The following SRCIN1 variants were observed in gnomAD, a reference collection of about 807,000 sequenced individuals.
SRCIN1 encodes SRC kinase signaling inhibitor 1, also known as P130Cas-associated protein.
Under a neutral mutation model 116.2 loss-of-function variants are expected in SRCIN1, and 50 were observed. The observed-to-expected ratio is 0.43, with a 90% CI of 0.34 to 0.54. The LOEUF (loss-of-function observed/expected upper bound fraction) is 0.54. Ranked by LOEUF, SRCIN1 falls within the 20% of genes least tolerant of loss-of-function variation. The pLI, the probability that SRCIN1 is intolerant of heterozygous loss-of-function variation, is 0.02. For synonymous variants in SRCIN1, 736 were observed against 750.0 expected, an observed-to-expected ratio of 0.98 and a Z score of 0.30; for missense variants, 1,446 against 1,672.0, an observed-to-expected ratio of 0.86 and a Z score of 2.36.
chr17:38,581,891 C>T (rs975694071), intron 1 of SRCIN1, among the ~76,000 whole-genome samples: 1 of 152,232 alleles, frequency 6.6e-6, no homozygotes, highest in Non-Finnish European at 1.5e-5. Flanking sequence ...CCCATAACCC[C>T]TGACCTTCCT....
At chr17:38,546,185 G>C (rs1905061643) in intron 17 of SRCIN1, among the ~76,000 whole-genome samples, 1 of 152,270 alleles carries the variant, frequency 6.6e-6, no homozygotes, top group Admixed American at 6.5e-5. Flanking sequence ...CACCAGGCTT[G>C]TGCCAGGTGC....
chr17:38,582,465 T>C (rs903187051), intron 1 of SRCIN1, among the ~76,000 whole-genome samples: 1 of 152,206 alleles, frequency 6.6e-6, no homozygotes, highest in Non-Finnish European at 1.5e-5. Flanking sequence ...AATCTCACAG[T>C]TGGCAGTGGG....
chr17:38,535,209 C>CTT (rs71138630), intron 18 of SRCIN1, among the ~76,000 whole-genome samples: 15,350 of 128,758 alleles, frequency 0.12, 3,379 homozygotes, highest in African/African-American at 0.44. Context: ...CTTTTTCTTT[C>CTT]TTTTTTTTTT....
chr17:38,605,583 C>T (rs1290969720), intron 1 of SRCIN1, 101 bp downstream of exon 1: 1 of 978,910 alleles, frequency 1.0e-6, no homozygotes, highest in South Asian at 1.9e-5. Flanking sequence ...GCCCGGCCGC[C>T]GCCCCCGCCC....
At chr17:38,574,332 A>AGCCT (rs1907269300) in intron 2 of SRCIN1, among the ~76,000 whole-genome samples, 1 of 152,222 alleles carries the variant, frequency 6.6e-6, no homozygotes, top group Non-Finnish European at 1.5e-5. Flanking sequence ...CGGACACTGA[A>AGCCT]GCCTGATGAG....
rs192726387 is a variant in SRCIN1, at chr17:38,558,087, G to A, written c.2201+140C>T. On this transcript the variant is annotated intron_variant, in intron 11 of 18. Transcript: ENST00000617146. This position sits in a 1 kb window ranked among gnomAD's most constrained non-coding sequence, Gnocchi z 4.6. ...TGGGTCACAGTGAAATCAGGCCAGA[G>A]GAGAATGAAATCAGGCTTCAGAACA... 4.3e-4 allele frequency: 402 copies of A among 924,926 alleles called. 2 individuals are homozygous for A. The African/African-American group carries it at 6.1e-3, about 14-fold the overall frequency. The allele number at this position is 924,926 out of a possible 1,614,324, so 57.3% of individuals were successfully genotyped here.
intron 17 of SRCIN1, among the ~76,000 whole-genome samples, chr17:38,546,283 C>A (rs1253039920): frequency 6.6e-6 from 1 of 152,230 alleles, no homozygotes; most frequent in Non-Finnish European, 1.5e-5. Flanking sequence ...ACACACTTCA[C>A]CCAAGGCCAC....
intron 1 of SRCIN1, among the ~76,000 whole-genome samples, chr17:38,605,366 C>A (rs981933117): frequency 6.7e-6 from 1 of 148,294 alleles, no homozygotes; most frequent in Non-Finnish European, 1.5e-5. Flanking sequence ...CCACACAAGC[C>A]CCTTTACAGT....
At position 38,552,307 on chromosome 17, in the gene SRCIN1, T is replaced by C; in HGVS notation, c.2480+140A>G. 7.1e-7 allele frequency: 1 copy of C among 1,413,334 alleles called. No individual in the cohort carries two copies. Among genetic ancestry groups the C allele is most frequent in the Non-Finnish European group, 9.4e-7 (1 of 1,060,704 alleles). 87.5% of individuals were successfully genotyped at this position (1,413,334 alleles called of 1,614,324 possible). A position where few individuals can be genotyped will look rare whatever the true frequency, so the allele number is the denominator to read the frequency against. On this transcript the variant is annotated intron_variant, in intron 13 of 18. Transcript: ENST00000617146. This position sits in a 1 kb window ranked among gnomAD's most constrained non-coding sequence, Gnocchi z 5.3. ...AAGCCAGGTCTACAGCATGCAGGGGTCACAGGGCAGAGCTGAGGTGCCAGT... is the reference window on the plus strand; with the variant it reads ...AAGCCAGGTCTACAGCATGCAGGGGCCACAGGGCAGAGCTGAGGTGCCAGT...
At chr17:38,591,648 T>A (rs1313465170) in intron 1 of SRCIN1, among the ~76,000 whole-genome samples, 1 of 152,196 alleles carries the variant, frequency 6.6e-6, no homozygotes, top group Non-Finnish European at 1.5e-5. Context: ...CTTCCTTGCC[T>A]CCTGCTCCTA....
intron 1 of SRCIN1, among the ~76,000 whole-genome samples, chr17:38,593,504 G>A (rs1448742659): frequency 6.6e-6 from 1 of 152,024 alleles, no homozygotes; most frequent in African/African-American, 2.4e-5. Flanking sequence ...CTAGAGACTG[G>A]GACTCTCTCT....
At chr17:38,594,773 C>G (rs1179223949) in intron 1 of SRCIN1, among the ~76,000 whole-genome samples, 1 of 152,102 alleles carries the variant, frequency 6.6e-6, no homozygotes, top group Non-Finnish European at 1.5e-5. Context: ...GGGGTTTGAA[C>G]CCAGGGCAGG....
chr17:38,556,181 A>G (rs924677791), intron 11 of SRCIN1, among the ~76,000 whole-genome samples: 1 of 152,242 alleles, frequency 6.6e-6, no homozygotes, highest in Non-Finnish European at 1.5e-5. Context: ...ATGGGGCCCA[A>G]TGCAAAATGA....
intron 18 of SRCIN1, among the ~76,000 whole-genome samples, chr17:38,538,699 C>T (rs975626255): frequency 2.0e-5 from 3 of 152,230 alleles, no homozygotes; most frequent in Non-Finnish European, 4.4e-5. Context: ...GTTAACGTAT[C>T]ACCTTCTAGA....
intron 18 of SRCIN1, among the ~76,000 whole-genome samples, chr17:38,538,356 G>A (rs1354999183): frequency 2.7e-5 from 4 of 147,986 alleles, no homozygotes; most frequent in Admixed American, 2.7e-4. Flanking sequence ...GGCGGAGGTT[G>A]CAGTGAGCCA....
Position 38,563,817 on chromosome 17 carries a change from G to A in SRCIN1, c.542-296C>T, listed in dbSNP as rs998240337. The A allele has an allele frequency of 6.3e-6, 4 of 634,034 alleles. No homozygotes were observed. Among genetic ancestry groups the A allele is most frequent in the Non-Finnish European group, 8.4e-6 (3 of 357,432 alleles). 39.3% of individuals were successfully genotyped at this position (634,034 alleles called of 1,614,324 possible). A position where few individuals can be genotyped will look rare whatever the true frequency, so the allele number is the denominator to read the frequency against. On this transcript the variant is annotated intron_variant, in intron 4 of 18. Coordinates refer to ENST00000617146, the MANE Select transcript of SRCIN1 (RefSeq NM_025248.3). The surrounding 1 kb of genome is among the most constrained non-coding windows in gnomAD (Gnocchi z 5.8). ...CGGAAACTGAGGGGAAGTGAGCTGA[G>A]GGAGAGAGAGGTTGGAGAGAGTTAG... is the stretch of plus-strand genomic sequence containing the variant.
At chr17:38,560,225 G>A (rs1906142525) in intron 8 of SRCIN1, 108 bp downstream of exon 8, 1 of 1,404,316 alleles carries the variant, frequency 7.1e-7, no homozygotes, top group East Asian at 2.5e-5. Context: ...GAAGGGAAGG[G>A]ATTCACCCAG....
Position 38,562,047 on chromosome 17 carries a change from G to C in SRCIN1, c.1116C>G (p.Arg372=). 1.3e-6 allele frequency: 2 copies of C among 1,490,054 alleles called. No individual in the cohort carries two copies. The highest frequency in any genetic ancestry group is 1.8e-6 in the Non-Finnish European group (2 of 1,128,106). The allele number at this position is 1,490,054 out of a possible 1,614,324, so 92.3% of individuals were successfully genotyped here. The change falls in exon 7 of 19, where the codon CGC becomes CGG. Residue 372 remains arginine (R), a synonymous_variant. Transcript: ENST00000617146. This position sits in a 1 kb window ranked among gnomAD's most constrained non-coding sequence, Gnocchi z 4.2. ...SPSPSAILER[R]DVKPDEDLAS... ...CCAGGTCCTCGTCCGGCTTCACGTCGCGCCGCTCCAGGATGGCGCTGGGGC... is the reference window on the plus strand; with the variant it reads ...CCAGGTCCTCGTCCGGCTTCACGTCCCGCCGCTCCAGGATGGCGCTGGGGC...
chr17:38,557,929 C>T (rs1269036919), intron 11 of SRCIN1, among the ~76,000 whole-genome samples: 1 of 152,214 alleles, frequency 6.6e-6, no homozygotes, highest in Non-Finnish European at 1.5e-5. Context: ...AATCAGGCAG[C>T]TGGCCACATG....
Sources: gnomAD v4.1 joint callset for allele counts (sites outside exome capture counted in the v4.1 genomes callset) on GRCh38, gnomAD v4.1.1 for gene constraint, Gnocchi (gnomAD v3.1) non-coding constraint, MANE v1.5 for transcripts, NCBI Gene and HGNC (gene_info 2026-07-23, HGNC 2026-07-21) for gene names.